ATG2B: variants seen among roughly 807,000 people sequenced by gnomAD.
ATG2B encodes the protein autophagy related 2B, also known as autophagy-related protein 2 homolog B.
ATG2B carries 121 observed loss-of-function variants against 241.3 expected under a neutral mutation model. The observed-to-expected ratio is 0.50, with a 90% CI of 0.43 to 0.58. The LOEUF is 0.58. Ranked by LOEUF, ATG2B falls within the 20% of genes least tolerant of loss-of-function variation. ATG2B has a pLI of 0.00. For synonymous variants in ATG2B, 858 were observed against 876.6 expected, an observed-to-expected ratio of 0.98 and a Z score of 0.37; for missense variants, 2,306 against 2,491.6, an observed-to-expected ratio of 0.93 and a Z score of 1.59.
intron 25 of ATG2B, 94 bp from the exon 26 acceptor site, chr14:96,312,253 G>T: frequency 1.2e-6 from 1 of 823,864 alleles, no homozygotes; most frequent in Non-Finnish European, 2.0e-6. Flanking sequence ...CATTCTTTCT[G>T]GTATGAACAT....
At position 96,345,360 on chromosome 14, in the gene ATG2B, C is replaced by T. The variant is rs1318703151; in HGVS notation, c.351G>A (p.Trp117Ter). 1 of 1,611,728 alleles carries T rather than the reference C, an allele frequency of 6.2e-7. No homozygotes were observed. The highest frequency in any genetic ancestry group is 1.7e-5 in the Admixed American group (1 of 59,712). Residue 117 changes from tryptophan to a stop codon, truncating the protein, a stop_gained, in exon 3 of 42, where the codon TGG (tryptophan) becomes TGA (stop). Transcript: ENST00000359933. LOFTEE classifies it high-confidence loss of function. ...RPATGSEPMY[W>*]SSFMTSSMQL... Reference sequence around the variant, plus strand: ...GCATACTGCTGGTCATAAAACTTGACCAATACATAGGCTCAGAACCAGTTG... The same window carrying T: ...GCATACTGCTGGTCATAAAACTTGATCAATACATAGGCTCAGAACCAGTTG...
intron 1 of ATG2B, among the ~76,000 whole-genome samples, chr14:96,348,553 C>G (rs566020619): frequency 6.6e-6 from 1 of 151,666 alleles, no homozygotes; most frequent in Non-Finnish European, 1.5e-5. Flanking sequence ...CGTGGTAGGA[C>G]GTGCCTGTAA....
chr14:96,309,038 A>G (rs779130570), intron 29 of ATG2B, among the ~76,000 whole-genome samples: 1 of 152,180 alleles, frequency 6.6e-6, no homozygotes, highest in Non-Finnish European at 1.5e-5. Flanking sequence ...CCCTCTTTAC[A>G]TACCTAAATC....
rs577338909 is a variant in ATG2B at position 96,291,000 on chromosome 14, G to A, written c.5580-65C>T. ...CATTTATAGACACAGATTAGTTTGA[G>A]GGTTTTTTTTTACTTAAAACAAATT... On this transcript the variant is annotated intron_variant, in intron 38 of 41. Coordinates refer to ENST00000359933, the MANE Select transcript of ATG2B (RefSeq NM_018036.7). The surrounding 1 kb of genome is among the most constrained non-coding windows in gnomAD (Gnocchi z 4.4). 1.5e-4 allele frequency: 205 copies of A among 1,404,276 alleles called. 2 individuals carry two copies. The South Asian group carries it at 3.0e-3, about 21-fold the overall frequency. The allele number at this position is 1,404,276 out of a possible 1,614,324, so 87.0% of individuals were successfully genotyped here. A position where few individuals can be genotyped will look rare whatever the true frequency, so the allele number is the denominator to read the frequency against.
chr14:96,339,334 A>G (rs1887949560), intron 6 of ATG2B, among the ~76,000 whole-genome samples: 1 of 151,878 alleles, frequency 6.6e-6, no homozygotes, highest in African/African-American at 2.4e-5. Context: ...ATATATACAC[A>G]TATATACACA....
chr14:96,308,224 ATATATAC>A (rs1887015083), intron 29 of ATG2B, among the ~76,000 whole-genome samples: 1 of 28,010 alleles, frequency 3.6e-5, no homozygotes, highest in Admixed American at 4.4e-4. Context: ...ACATAAATAT[ATATATAC>A]ATATATATAT....
chr14:96,337,503 C>T (rs1270830985), intron 6 of ATG2B, among the ~76,000 whole-genome samples: 1 of 152,146 alleles, frequency 6.6e-6, no homozygotes, highest in African/African-American at 2.4e-5. Flanking sequence ...CAGATTAGTA[C>T]AACCACTACA....
Position 96,322,268 on chromosome 14 carries a change from G to C in ATG2B, c.2737-14C>G. ...TGGCATCACCATCTAAAACATAATA[G>C]TTCAGTGCAAAAAAAAAGGCATCCA... On this transcript the variant is annotated splice_polypyrimidine_tract_variant and intron_variant, in intron 17 of 41. Transcript: ENST00000359933. 6.3e-7 allele frequency: 1 copy of C among 1,576,830 alleles called. No homozygotes were observed. Among genetic ancestry groups the C allele is most frequent in the South Asian group, 1.2e-5 (1 of 83,260 alleles).
Position 96,283,555 on chromosome 14 carries a change from T to G in ATG2B, c.*2200A>C, listed in dbSNP as rs1002566991. The G allele has an allele frequency of 5.9e-4, 90 of 152,204 alleles. No individual in the cohort carries two copies. Among genetic ancestry groups the G allele is most frequent in the African/African-American group, 2.0e-3 (84 of 41,456 alleles). The allele number at this position is 152,204 out of a possible 1,614,324, so 9.4% of individuals were successfully genotyped here. On this transcript the variant is annotated 3_prime_UTR_variant, in exon 42 of 42. Transcript: ENST00000359933. ...AAAACCCTCCATTTACCAGGAGGGA[T>G]GCTGAGGCTTACAGGGATCAGATGT...
At position 96,331,455 on chromosome 14, in the gene ATG2B, C is replaced by T; in HGVS notation, c.1651G>A (p.Asp551Asn). 6.2e-7 allele frequency: 1 copy of T among 1,614,076 alleles called. No individual in the cohort carries two copies. The highest frequency in any genetic ancestry group is 8.5e-7 in the Non-Finnish European group (1 of 1,179,984). ...TCTTCTGTTGAAAATCTTGCTGGAT[C>T]AATCTTTTCTATACAAGTAAAGAAA... ...VAFFTCIEKI[D>N]PARFSTEDFK... Residue 551 changes from aspartate (D) to asparagine (N), a missense_variant, in exon 11 of 42, where the codon GAT (aspartate) becomes AAT (asparagine). By Grantham distance (23) the Asp-to-Asn change is conservative. This residue lies in a region of ATG2B where 1,927 missense variants were observed against 2,011.2 expected (regional missense o/e 0.96). Transcript: ENST00000359933.
chr14:96,339,641 A>G (rs11160332), intron 6 of ATG2B, among the ~76,000 whole-genome samples: 36,923 of 151,894 alleles, frequency 0.24, 5,664 homozygotes, highest in Admixed American at 0.35. Context: ...CAAATACCAT[A>G]TGTTCTCACT....
At chr14:96,293,448 T>C (rs894748544) in intron 36 of ATG2B, among the ~76,000 whole-genome samples, 1 of 152,224 alleles carries the variant, frequency 6.6e-6, no homozygotes, top group Non-Finnish European at 1.5e-5. Context: ...CTCTACTTTG[T>C]TCATTTGTGC....
chr14:96,312,828 C>G (rs901180905), intron 25 of ATG2B, among the ~76,000 whole-genome samples: 2 of 152,200 alleles, frequency 1.3e-5, no homozygotes, highest in Middle Eastern at 3.4e-3. Context: ...TTTTAAAATG[C>G]AAACTTTTTA....
intron 41 of ATG2B, among the ~76,000 whole-genome samples, chr14:96,288,397 T>C (rs1005407735): frequency 6.6e-6 from 1 of 152,230 alleles, no homozygotes; most frequent in Non-Finnish European, 1.5e-5. Context: ...TACTGCCCAC[T>C]GCCCTTACTA....
At position 96,306,841 on chromosome 14, in the gene ATG2B, T is replaced by C. The variant is rs1242962465; in HGVS notation, c.4379A>G (p.Asn1460Ser). Residue 1460 changes from asparagine to serine, a missense_variant, in exon 30 of 42, where the codon AAT (asparagine) becomes AGT (serine). By Grantham distance (46) the Asn-to-Ser change is conservative (BLOSUM62 1). Around this residue, in one of 2 missense-constraint regions of ATG2B, gnomAD observed 1,927 missense variants for 2,011.2 expected, o/e 0.96. Transcript: ENST00000359933. ...DLFLFPDESGNVSQESGPTYA... is the reference protein window; with the variant it reads ...DLFLFPDESGSVSQESGPTYA... ...GGTGGGGCCGGACTCCTGGGATACA[T>C]TCCCACTCTCGTCAGGAAACAGGAA... The C allele has an allele frequency of 1.2e-6, 2 of 1,614,034 alleles. No homozygotes were observed. The highest frequency in any genetic ancestry group is 1.7e-6 in the Non-Finnish European group (2 of 1,180,016).
At chr14:96,356,375 G>A (rs1388686074) in intron 1 of ATG2B, among the ~76,000 whole-genome samples, 3 of 152,004 alleles carry the variant, frequency 2.0e-5, no homozygotes, top group Non-Finnish European at 4.4e-5. Flanking sequence ...CTTGCAAAAG[G>A]TCTTCAATTA....
intron 1 of ATG2B, among the ~76,000 whole-genome samples, chr14:96,354,915 C>T (rs1888433489): frequency 6.6e-6 from 1 of 151,936 alleles, no homozygotes; most frequent in Non-Finnish European, 1.5e-5. Flanking sequence ...CTTTTTTTTC[C>T]ACATTTGTTG....
At chr14:96,346,643 T>C (rs1888177362) in intron 2 of ATG2B, among the ~76,000 whole-genome samples, 1 of 152,216 alleles carries the variant, frequency 6.6e-6, no homozygotes, top group East Asian at 1.9e-4. Flanking sequence ...TTTTTTTCTC[T>C]ATTTATAAGT....
intron 34 of ATG2B, among the ~76,000 whole-genome samples, chr14:96,301,099 CAT>C (rs1886777005): frequency 6.6e-6 from 1 of 152,344 alleles, no homozygotes; most frequent in Admixed American, 6.5e-5. Context: ...CTGCAATTAT[CAT>C]ATGTTATGTT....
Sources: gnomAD v4.1 joint callset for allele counts (sites outside exome capture counted in the v4.1 genomes callset) on GRCh38, gnomAD v4.1.1 for gene constraint, gnomAD v4.1.1 regional missense constraint, Gnocchi (gnomAD v3.1) non-coding constraint, MANE v1.5 for transcripts, NCBI Gene and HGNC (gene_info 2026-07-23, HGNC 2026-07-21) for gene names.